Variants in SPTA1 observed in about 807,000 individuals in gnomAD.
SPTA1 encodes the protein spectrin alpha, erythrocytic 1, also known as spectrin alpha chain, erythrocytic 1.
SPTA1 carries 177 observed loss-of-function variants against 324.7 expected under a neutral mutation model. That is an observed-to-expected ratio of 0.55 (90% CI 0.48 to 0.62). The LOEUF (loss-of-function observed/expected upper bound fraction) is 0.62, where lower values mean the gene tolerates loss of function less well. Among genes scored for constraint, SPTA1 ranks in the 20% least tolerant of loss-of-function variants. The pLI is 0.00. For missense variants in SPTA1, 3,162 were observed against 2,883.6 expected (o/e 1.10, Z -2.21); for synonymous variants, 1,195 against 1,041.3 (o/e 1.15, Z -2.84).
intron 41 of SPTA1, among the ~76,000 whole-genome samples, 181 bp downstream of exon 41, chr1:158,626,658 G>A (rs1231497985): frequency 6.7e-6 from 1 of 148,388 alleles, no homozygotes; most frequent in Non-Finnish European, 1.5e-5. Flanking sequence ...GTGTGTGTGT[G>A]TTTATGTGTG....
chr1:158,625,635 A>C (rs1034874479), intron 42 of SPTA1, among the ~76,000 whole-genome samples: 5 of 151,904 alleles, frequency 3.3e-5, no homozygotes, highest in Non-Finnish European at 5.9e-5. Flanking sequence ...ACCAAATAAT[A>C]AAAAGATAAT....
At chr1:158,652,427 AAACAATGGC>A in intron 23 of SPTA1, 31 bp downstream of exon 23, 1 of 1,609,282 alleles carries the variant, frequency 6.2e-7, no homozygotes, top group Non-Finnish European at 8.5e-7. Flanking sequence ...GGATAAAAGC[AAACAATGGC>A]AACCTTCAAG....
At chr1:158,656,770 C>T in intron 19 of SPTA1, 114 bp from the exon 20 acceptor site, 1 of 948,884 alleles carries the variant, frequency 1.1e-6, no homozygotes, top group Non-Finnish European at 1.7e-6. Flanking sequence ...AGCTGCTTTC[C>T]ATCTATCATA....
intron 40 of SPTA1, 142 bp from the exon 41 acceptor site, chr1:158,627,149 G>C: frequency 2.0e-6 from 2 of 1,017,602 alleles, no homozygotes; most frequent in Non-Finnish European, 3.0e-6. Flanking sequence ...AAGTTTCTAG[G>C]AGGTAGGGAG....
chr1:158,641,843 A>G lies in SPTA1; in HGVS notation c.4737+568T>C, dbSNP rs548330370. On this transcript the variant is annotated intron_variant, in intron 33 of 51. Transcript: ENST00000643759. ...CCAAAGGATTATAAATCATGCTGCTATAAAGACACATGCACACATATGTTT... is the reference window on the plus strand; with the variant it reads ...CCAAAGGATTATAAATCATGCTGCTGTAAAGACACATGCACACATATGTTT... 1.4e-3 allele frequency among the ~76,000 whole-genome samples: 219 copies of G among 152,354 alleles called. 1 individual carries two copies. The highest frequency in any genetic ancestry group is 4.9e-3 in the African/African-American group (205 of 41,582).
chr1:158,652,440 C>T (rs781487599), intron 23 of SPTA1, 27 bp downstream of exon 23: 19 of 1,613,130 alleles, frequency 1.2e-5, no homozygotes, highest in Non-Finnish European at 1.4e-5. Flanking sequence ...CAATGGCAAC[C>T]TTCAAGAGAA....
At position 158,685,093 on chromosome 1, in the gene SPTA1, A is replaced by G. The variant is rs754406656; in HGVS notation, c.264+15T>C. 6.2e-7 allele frequency: 1 copy of G among 1,613,586 alleles called. No individual in the cohort carries two copies. The highest frequency in any genetic ancestry group is 1.1e-5 in the South Asian group (1 of 91,074). ...CTTAGGGTCTGCTCTGAGGCAATCA[A>G]GAGAACTGAGTGACCTGTATATTAG... is the stretch of plus-strand genomic sequence containing the variant. On this transcript the variant is annotated intron_variant, in intron 2 of 51. Transcript: ENST00000643759.
At chr1:158,626,648 G>T (rs2482963) in intron 41 of SPTA1, among the ~76,000 whole-genome samples, 191 bp downstream of exon 41, 35,066 of 151,826 alleles carry the variant, frequency 0.23, 4,703 homozygotes, top group East Asian at 0.44. Flanking sequence ...TTCTCACTTT[G>T]TGTGTGTGTG....
intron 50 of SPTA1, 28 bp downstream of exon 50, chr1:158,613,693 G>A (rs758446885): frequency 5.0e-6 from 8 of 1,613,388 alleles, no homozygotes; most frequent in Non-Finnish European, 6.8e-6. Flanking sequence ...CATCCCTGCT[G>A]CGGTCTGACC....
intron 16 of SPTA1, among the ~76,000 whole-genome samples, chr1:158,663,905 C>T (rs1017975633): frequency 1.3e-5 from 2 of 152,158 alleles, no homozygotes; most frequent in Non-Finnish European, 2.9e-5. Context: ...AAACATCTGG[C>T]ACTTTGTTTT....
At chr1:158,645,909 G>A (rs1033358498) in intron 27 of SPTA1, among the ~76,000 whole-genome samples, 8 of 152,162 alleles carry the variant, frequency 5.3e-5, no homozygotes, top group African/African-American at 1.9e-4. Flanking sequence ...ATCTGCCTAT[G>A]TGGTATAACT....
At chr1:158,619,132 G>A in intron 45 of SPTA1, 90 bp downstream of exon 45, 1 of 1,239,852 alleles carries the variant, frequency 8.1e-7, no homozygotes, top group Non-Finnish European at 1.2e-6. Context: ...TGCTCTCAGA[G>A]TCTCTCCTCT....
In SPTA1 at chr1:158,611,084, A is replaced by G; in HGVS notation, c.*180T>C. 1.2e-6 allele frequency: 1 copy of G among 833,086 alleles called. No individual in the cohort carries two copies. Among genetic ancestry groups the G allele is most frequent in the Non-Finnish European group, 1.9e-6 (1 of 536,150 alleles). 51.6% of individuals were successfully genotyped at this position (833,086 alleles called of 1,614,324 possible). On this transcript the variant is annotated 3_prime_UTR_variant, in exon 52 of 52. Transcript: ENST00000643759. Reference sequence around the variant, plus strand: ...TTAACCTTTCTATCTCCCACCCTTGAGATTTTTTAAGATCCTACAATAAAT... The same window carrying G: ...TTAACCTTTCTATCTCCCACCCTTGGGATTTTTTAAGATCCTACAATAAAT...
In SPTA1 at chr1:158,671,354, C is replaced by G; in HGVS notation, c.1588G>C (p.Glu530Gln). 1 of 1,613,502 alleles carries G rather than the reference C, an allele frequency of 6.2e-7. No individual in the cohort carries two copies. Among genetic ancestry groups the G allele is most frequent in the Non-Finnish European group, 8.5e-7 (1 of 1,179,798 alleles). Residue 530 changes from glutamate to glutamine, a missense_variant, in exon 12 of 52, where the codon GAG becomes CAG. Transcript: ENST00000643759. ...GGCCAATTTCTTACTATGATCTTCT[C>G]TTCCTGGGCAGTAAAGGCTTCCTCA... The part of the protein sequence containing the change: ...DFEEAFTAQE[E>Q]KIITVDKTAT...
At chr1:158,620,679 G>T in intron 43 of SPTA1, 2 of 550,960 alleles carry the variant, frequency 3.6e-6, no homozygotes, top group Non-Finnish European at 6.3e-6. Context: ...CTCATTGTGT[G>T]AAATTGTTTA....
chr1:158,654,638 G>C lies in SPTA1; in HGVS notation c.3009C>G (p.Val1003=), dbSNP rs757933714. 1 of 1,613,980 alleles carries C rather than the reference G, an allele frequency of 6.2e-7. No homozygotes were observed. The highest frequency in any genetic ancestry group is 8.5e-7 in the Non-Finnish European group (1 of 1,180,010). The change falls in exon 21 of 52, where the codon GTC becomes GTG. Residue 1003 remains valine, a synonymous_variant. Transcript: ENST00000643759. The part of the protein sequence containing the change: ...PREVTMKKGD[V]LTLLSSINKD... The stretch of plus-strand genomic sequence containing the variant: ...TATTGATGGAACTGAGCAGCGTTAA[G>C]ACATCACCTTTCTTCATGGTGACTT...
chr1:158,627,565 A>T, intron 40 of SPTA1, 60 bp downstream of exon 40: 2 of 1,504,368 alleles, frequency 1.3e-6, no homozygotes, highest in South Asian at 1.1e-5. Flanking sequence ...GCATTTCTAC[A>T]TTTGGGCCAG....
chr1:158,614,143 C>A (rs369727646), intron 49 of SPTA1, 110 bp downstream of exon 49: 2 of 952,808 alleles, frequency 2.1e-6, no homozygotes, highest in South Asian at 2.9e-5. Flanking sequence ...ATATCTAGAT[C>A]TTCATTTAAG....
intron 18 of SPTA1, among the ~76,000 whole-genome samples, chr1:158,658,446 G>T (rs80242237): frequency 0.067 from 10,165 of 152,204 alleles, 1,125 homozygotes; most frequent in African/African-American, 0.23. Flanking sequence ...TGACTTAAAA[G>T]CAGTGGACAA....
Sources: allele counts gnomAD v4.1 joint callset (sites outside exome capture counted in the v4.1 genomes callset), GRCh38; gene constraint gnomAD v4.1.1; transcripts MANE v1.5; gene names NCBI Gene and HGNC (gene_info 2026-07-23, HGNC 2026-07-21).